The following CAMKMT variants were observed in gnomAD, a reference collection of about 807,000 sequenced individuals.
CAMKMT encodes calmodulin-lysine N-methyltransferase.
In CAMKMT, 53 loss-of-function variants were observed where a neutral mutation model predicts 48.0. The ratio of observed to expected loss-of-function variants is 1.10; its 90% CI spans 0.89 to 1.39. The LOEUF is 1.39. CAMKMT is among the 40% of genes most tolerant of loss of function. The pLI is 0.00. For synonymous variants in CAMKMT, 165 were observed against 152.3 expected (o/e 1.08, Z -0.61); for missense variants, 428 against 402.7 (o/e 1.06, Z -0.54).
At chr2:44,738,432 C>A (rs140380955) in intron 7 of CAMKMT, among the ~76,000 whole-genome samples, 260 of 152,326 alleles carry the variant, frequency 1.7e-3, no homozygotes, top group African/African-American at 6.0e-3. Context: ...CTTTAGAAAG[C>A]ATTTTAAGTG....
At chr2:44,562,525 C>T (rs1252043711) in intron 3 of CAMKMT, among the ~76,000 whole-genome samples, 1 of 152,104 alleles carries the variant, frequency 6.6e-6, no homozygotes. Flanking sequence ...GGTAACTTGC[C>T]TAAGGTCACA....
chr2:44,534,469 T>C lies in CAMKMT; in HGVS notation c.376+144164T>C, dbSNP rs1027263058. On this transcript the variant is annotated intron_variant, in intron 3 of 10. Transcript: ENST00000378494. The stretch of plus-strand genomic sequence containing the variant: ...TCATTATATTGAACATTCTGCAGGA[T>C]AGAACATATGTTAGGCCAGAAAACA... Among the ~76,000 whole-genome samples, 2 of 152,306 alleles carry C rather than the reference T, an allele frequency of 1.3e-5. 1 individual carries two copies. Among genetic ancestry groups the C allele is most frequent in the Non-Finnish European group, 2.9e-5 (2 of 68,014 alleles).
At chr2:44,530,696 G>A (rs1396801422) in intron 3 of CAMKMT, among the ~76,000 whole-genome samples, 2 of 151,978 alleles carry the variant, frequency 1.3e-5, no homozygotes, top group Non-Finnish European at 2.9e-5. Context: ...TGATGGTTTT[G>A]GGTGATGTGC....
At position 44,723,907 on chromosome 2, in the gene CAMKMT, A is replaced by G. The variant is rs529927555; in HGVS notation, c.623+8554A>G. ...CAGAAATGTAAAATAATTTTGTTTCATGATAAAATCAATGAAGTTGATCAG... is the reference window on the plus strand; with the variant it reads ...CAGAAATGTAAAATAATTTTGTTTCGTGATAAAATCAATGAAGTTGATCAG... On this transcript the variant is annotated intron_variant, in intron 7 of 10. Coordinates refer to ENST00000378494, the MANE Select transcript of CAMKMT (RefSeq NM_024766.5). The G allele has an allele frequency of 2.0e-5, 3 of 152,164 alleles. No homozygotes were observed. The South Asian group carries it at 6.2e-4, about 31-fold the overall frequency. The allele number at this position is 152,164 out of a possible 1,614,324, so 9.4% of individuals were successfully genotyped here.
chr2:44,558,913 C>A (rs1370827869), intron 3 of CAMKMT, among the ~76,000 whole-genome samples: 3 of 151,978 alleles, frequency 2.0e-5, no homozygotes, highest in Non-Finnish European at 2.9e-5. Context: ...AACTTGAATA[C>A]ATACCCCCTG....
intron 3 of CAMKMT, among the ~76,000 whole-genome samples, chr2:44,592,930 G>A (rs897464042): frequency 2.0e-5 from 3 of 152,132 alleles, no homozygotes; most frequent in Non-Finnish European, 4.4e-5. Context: ...CAATTAAGTT[G>A]GTTGGTAATG....
rs772390371 is a variant in CAMKMT at position 44,753,249 on chromosome 2, CAAAAAAAA to C, written c.699-788_699-781del. Among the ~76,000 whole-genome samples, 415 of 65,438 alleles carry C rather than the reference CAAAAAAAA, an allele frequency of 6.3e-3. 2 individuals carry two copies. The highest frequency in any genetic ancestry group is 0.019 in the South Asian group (45 of 2,424). The allele number at this position is 65,438 out of a possible 152,430, so 42.9% of individuals were successfully genotyped here. A position where few individuals can be genotyped will look rare whatever the true frequency, so the allele number is the denominator to read the frequency against. On this transcript the variant is annotated intron_variant, in intron 8 of 10. Transcript: ENST00000378494. Reference sequence around the variant, plus strand: ...GCAACAGAGTGAGACCCTGTCCCTACAAAAAAAAAAAAAAAAAAAAAAAAAGAACTAGC... The same window carrying C: ...GCAACAGAGTGAGACCCTGTCCCTACAAAAAAAAAAAAAAAAAGAACTAGC...
intron 3 of CAMKMT, among the ~76,000 whole-genome samples, chr2:44,416,867 A>G (rs1683592106): frequency 6.6e-6 from 1 of 151,412 alleles, no homozygotes; most frequent in African/African-American, 2.4e-5. Flanking sequence ...GAGCCACCGC[A>G]CCTGGCCAGC....
At chr2:44,378,148 C>T (rs962536228) in intron 2 of CAMKMT, among the ~76,000 whole-genome samples, 94 of 152,102 alleles carry the variant, frequency 6.2e-4, no homozygotes, top group African/African-American at 2.1e-3. Context: ...AAATATGATC[C>T]GTAGTTTCCA....
rs62135378 is a variant in CAMKMT, at chr2:44,542,558, T to G, written c.376+152253T>G. On this transcript the variant is annotated intron_variant, in intron 3 of 10. Coordinates refer to ENST00000378494, the MANE Select transcript of CAMKMT (RefSeq NM_024766.5). ...ACACACTCTCTCTCTCTCTCTCTCT[T>G]TCTCTCTCCATATATGTATATATTT... is the stretch of plus-strand genomic sequence containing the variant. Among the ~76,000 whole-genome samples, 83 of 50,098 alleles carry G rather than the reference T, an allele frequency of 1.7e-3. No homozygotes were observed. The Middle Eastern group carries it at 0.081, about 49-fold the overall frequency. 32.9% of individuals were successfully genotyped at this position (50,098 alleles called of 152,430 possible). A position where few individuals can be genotyped will look rare whatever the true frequency, so the allele number is the denominator to read the frequency against.
intron 3 of CAMKMT, among the ~76,000 whole-genome samples, chr2:44,492,799 C>G (rs1443302596): frequency 6.6e-6 from 1 of 151,850 alleles, no homozygotes; most frequent in Non-Finnish European, 1.5e-5. Context: ...GGCATTTGTT[C>G]CTACTTTAAG....
chr2:44,506,273 T>C (rs760565623), intron 3 of CAMKMT, among the ~76,000 whole-genome samples: 2 of 152,122 alleles, frequency 1.3e-5, no homozygotes, highest in Non-Finnish European at 2.9e-5. Flanking sequence ...AAGTTGAAAT[T>C]CAAGGAGAAT....
intron 3 of CAMKMT, among the ~76,000 whole-genome samples, chr2:44,576,938 C>T (rs1357632226): frequency 6.6e-6 from 1 of 152,190 alleles, no homozygotes; most frequent in Non-Finnish European, 1.5e-5. Context: ...GTGTTAGATG[C>T]TGGAACTGTT....
intron 3 of CAMKMT, among the ~76,000 whole-genome samples, chr2:44,516,916 AC>A (rs1186983214): frequency 6.6e-6 from 1 of 151,642 alleles, no homozygotes; most frequent in Non-Finnish European, 1.5e-5. Context: ...TAATTTTTGT[AC>A]TTTTAGTGGA....
chr2:44,454,719 A>G (rs1295161085), intron 3 of CAMKMT, among the ~76,000 whole-genome samples: 1 of 152,166 alleles, frequency 6.6e-6, no homozygotes, highest in Non-Finnish European at 1.5e-5. Context: ...TAATATAGCA[A>G]TGAATCTGTG....
intron 3 of CAMKMT, chr2:44,457,374 A>C (rs1251929936): frequency 6.7e-6 from 1 of 148,800 alleles, no homozygotes; most frequent in Non-Finnish European, 1.5e-5. Context: ...CTTAAGTCAT[A>C]TTTCTTTCTT....
chr2:44,442,373 T>C (rs1048308510), intron 3 of CAMKMT, among the ~76,000 whole-genome samples: 1 of 152,188 alleles, frequency 6.6e-6, no homozygotes, highest in Admixed American at 6.5e-5. Flanking sequence ...TATCTCTCTA[T>C]ACATACATGT....
chr2:44,548,474 TC>T (rs1431901928), intron 3 of CAMKMT, among the ~76,000 whole-genome samples: 5 of 152,082 alleles, frequency 3.3e-5, no homozygotes, highest in Admixed American at 1.3e-4. Flanking sequence ...CCCCCAAGAT[TC>T]CCGGCCCTGC....
chr2:44,629,417 A>C (rs888988752), intron 3 of CAMKMT, among the ~76,000 whole-genome samples: 5 of 142,292 alleles, frequency 3.5e-5, no homozygotes, highest in Non-Finnish European at 6.1e-5. Context: ...CTGTGTATGC[A>C]TTTCTTTCTT....
Sources: allele counts gnomAD v4.1 joint callset (sites outside exome capture counted in the v4.1 genomes callset), GRCh38; gene constraint gnomAD v4.1.1; transcripts MANE v1.5; gene names NCBI Gene and HGNC (gene_info 2026-07-23, HGNC 2026-07-21).